Variants in IGLL1 observed in about 807,000 individuals in gnomAD.
IGLL1 encodes immunoglobulin lambda-like polypeptide 1.
Under a neutral mutation model 10.5 loss-of-function variants are expected in IGLL1, and 10 were observed. The observed-to-expected ratio is 0.95, with a 90% CI of 0.59 to 1.62. The LOEUF (loss-of-function observed/expected upper bound fraction) is 1.62. IGLL1 is among the 40% of genes most tolerant of loss of function. The pLI is 0.00. For synonymous variants in IGLL1, 141 were observed against 122.7 expected, an observed-to-expected ratio of 1.15 and a Z score of -0.99; for missense variants, 284 against 278.7, an observed-to-expected ratio of 1.02 and a Z score of -0.14.
In IGLL1 at chr22:23,575,067, G is replaced by T. The variant is rs111509516; in HGVS notation, c.222C>A (p.Arg74=). 9.9e-6 allele frequency: 16 copies of T among 1,613,446 alleles called. No homozygotes were observed. In the South Asian group the frequency reaches 1.5e-4, roughly 16 times the overall value. ...AGCACCTGGGGCCAGTCCAGGAGCC[G>T]CGCTGGAGCAGGAACCTGCTGGGAG... ...RSRWGRFLLQ[R]GSWTGPRCWP... Residue 74 remains arginine, a synonymous_variant, in exon 2 of 3, where the codon CGC becomes CGA. Coordinates refer to ENST00000330377, the MANE Select transcript of IGLL1 (RefSeq NM_020070.4).
At position 23,575,031 on chromosome 22, in the gene IGLL1, C is replaced by A; in HGVS notation, c.258G>T (p.Gly86=). 1 of 1,609,824 alleles carries A rather than the reference C, an allele frequency of 6.2e-7. No individual in the cohort carries two copies. The highest frequency in any genetic ancestry group is 1.1e-5 in the South Asian group (1 of 91,018). ...TCACTGAGTTATGCTTGGATTGAAA[C>A]CCCCGGGGCCAGCACCTGGGGCCAG... ...SWTGPRCWPR[G]FQSKHNSVTH... is the part of the protein sequence containing the mutation. The change falls in exon 2 of 3, where the codon GGG becomes GGT. Residue 86 remains glycine (G), a synonymous_variant. Transcript: ENST00000330377.
At chr22:23,573,672 G>A in intron 2 of IGLL1, 87 bp from the exon 3 acceptor site, 1 of 1,080,610 alleles carries the variant, frequency 9.3e-7, no homozygotes, top group Non-Finnish European at 1.4e-6. Flanking sequence ...TCTCTGGGAG[G>A]GTTCATGGTG....
chr22:23,574,266 T>C (rs111422112), intron 2 of IGLL1, among the ~76,000 whole-genome samples: 1,567 of 152,164 alleles, frequency 0.01, 18 homozygotes, highest in Non-Finnish European at 0.015. Context: ...CTAGTCACCT[T>C]CTGAGTCTAA....
rs372002908 is a variant in IGLL1 at position 23,576,432 on chromosome 22, T to C, written c.207-1350A>G. On this transcript the variant is annotated intron_variant, in intron 1 of 2. Coordinates refer to ENST00000330377, the MANE Select transcript of IGLL1 (RefSeq NM_020070.4). ...TCTCTCCTGCTATGTACAGTCCCAT[T>C]TCCTTTTATTTTTTTGAAATGGAAT... is the stretch of plus-strand genomic sequence containing the variant. Among the ~76,000 whole-genome samples the C allele has an allele frequency of 6.0e-5, 9 of 150,868 alleles. No individual in the cohort carries two copies. The East Asian group carries it at 1.4e-3, about 23-fold the overall frequency.
intron 1 of IGLL1, among the ~76,000 whole-genome samples, chr22:23,575,596 A>T (rs982538096): frequency 1.3e-5 from 2 of 152,162 alleles, no homozygotes; most frequent in African/African-American, 4.8e-5. Context: ...CCATCTATGC[A>T]TCTGTCCATC....
chr22:23,574,442 C>G (rs1448053444), intron 2 of IGLL1, among the ~76,000 whole-genome samples: 2 of 151,940 alleles, frequency 1.3e-5, no homozygotes, highest in Non-Finnish European at 2.9e-5. Flanking sequence ...ATCCGTTCCT[C>G]TGTGTCCCCA....
At chr22:23,579,641 C>T (rs1302082779) in intron 1 of IGLL1, among the ~76,000 whole-genome samples, 1 of 151,866 alleles carries the variant, frequency 6.6e-6, no homozygotes, top group Non-Finnish European at 1.5e-5. Flanking sequence ...GGGCATCCTT[C>T]AGGGATAGCG....
At chr22:23,575,674 C>T (rs892510330) in intron 1 of IGLL1, among the ~76,000 whole-genome samples, 3 of 152,168 alleles carry the variant, frequency 2.0e-5, no homozygotes, top group Non-Finnish European at 4.4e-5. Context: ...TCCGTCCATC[C>T]ATAAATCCAT....
rs267606189 is a variant in IGLL1 at position 23,573,464 on chromosome 22, G to C, written c.444C>G (p.Thr148=). 1.2e-6 allele frequency: 2 copies of C among 1,613,962 alleles called. No individual in the cohort carries two copies. The highest frequency in any genetic ancestry group is 4.5e-5 in the East Asian group (2 of 44,862). ...TGATGGGGGTACCATCTGCCTTCCA[G>C]GTCACCGTCAAGATTCCCGGATAAA... ...NDFYPGILTV[T]WKADGTPITQ... Residue 148 remains threonine, a synonymous_variant, in exon 3 of 3, where the codon ACC becomes ACG. Transcript: ENST00000330377.
intron 1 of IGLL1, among the ~76,000 whole-genome samples, chr22:23,578,328 G>T (rs1602292478): frequency 6.6e-6 from 1 of 152,114 alleles, no homozygotes; most frequent in East Asian, 1.9e-4. Context: ...CCCCATCCCA[G>T]TCTCTGTTCT....
At chr22:23,574,531 TG>T (rs1451308686) in intron 2 of IGLL1, among the ~76,000 whole-genome samples, 2 of 152,142 alleles carry the variant, frequency 1.3e-5, no homozygotes, top group African/African-American at 2.4e-5. Context: ...TGGTCTCCCC[TG>T]GGGGTGACCC....
At chr22:23,577,486 T>C (rs1267841015) in intron 1 of IGLL1, among the ~76,000 whole-genome samples, 1 of 152,020 alleles carries the variant, frequency 6.6e-6, no homozygotes, top group African/African-American at 2.4e-5. Context: ...AGAAAAGTCA[T>C]TTATTTGATA....
At chr22:23,576,360 CA>C (rs11455488) in intron 1 of IGLL1, among the ~76,000 whole-genome samples, 13,634 of 66,998 alleles carry the variant, frequency 0.2, 744 homozygotes, top group African/African-American at 0.33. Context: ...AAGACTGTCC[CA>C]AAAAAAAAAA....
At chr22:23,574,374 A>G (rs1924951684) in intron 2 of IGLL1, among the ~76,000 whole-genome samples, 2 of 152,286 alleles carry the variant, frequency 1.3e-5, no homozygotes, top group African/African-American at 4.8e-5. Context: ...ACATCTCTGC[A>G]CTAAGAGACC....
At position 23,573,581 on chromosome 22, in the gene IGLL1, C is replaced by T. The variant is rs376293773; in HGVS notation, c.327G>A (p.Gln109=). ...GAGTGACCGAGGGGGTGGCCTTGGG[C>T]TGACCTGTGTGGACAGAGGAGGGGG... ...GSGTQLTVLS[Q]PKATPSVTLF... The change falls in exon 3 of 3, where the codon CAG becomes CAA. Residue 109 remains glutamine (Q), a synonymous_variant. Transcript: ENST00000330377. The T allele has an allele frequency of 1.1e-5, 18 of 1,613,552 alleles. No homozygotes were observed. The East Asian group carries it at 1.6e-4, about 14-fold the overall frequency.
chr22:23,573,359 G>T lies in IGLL1; in HGVS notation c.549C>A (p.Pro183=), dbSNP rs75088277. The change falls in exon 3 of 3, where the codon CCC becomes CCA. Residue 183 remains proline (P), a synonymous_variant. Coordinates refer to ENST00000330377, the MANE Select transcript of IGLL1 (RefSeq NM_020070.4). ...AGCTTCTGCGGGACCTCCACTGCTC[G>T]GGCGTCAGGCTCAGGTAGCTGCTGG... ...YAASSYLSLT[P]EQWRSRRSYS... 2 of 1,614,066 alleles carry T rather than the reference G, an allele frequency of 1.2e-6. No individual in the cohort carries two copies. The highest frequency in any genetic ancestry group is 1.7e-5 in the Admixed American group (1 of 60,020).
At chr22:23,578,004 C>T (rs1380382649) in intron 1 of IGLL1, among the ~76,000 whole-genome samples, 2 of 152,028 alleles carry the variant, frequency 1.3e-5, no homozygotes, top group South Asian at 2.1e-4. Context: ...CCTGCCTCCC[C>T]TCCCGAGTAG....
At chr22:23,579,303 T>G (rs1461283774) in intron 1 of IGLL1, among the ~76,000 whole-genome samples, 1 of 152,138 alleles carries the variant, frequency 6.6e-6, no homozygotes, top group Non-Finnish European at 1.5e-5. Context: ...GCTTGGTGCT[T>G]TGTCTGGGGA....
intron 1 of IGLL1, among the ~76,000 whole-genome samples, chr22:23,578,715 G>A (rs1162134554): frequency 6.6e-6 from 1 of 152,198 alleles, no homozygotes; most frequent in Non-Finnish European, 1.5e-5. Context: ...AGCACTTTGG[G>A]AGGCTGAGGT....
Sources: allele counts gnomAD v4.1 joint callset (sites outside exome capture counted in the v4.1 genomes callset), GRCh38; gene constraint gnomAD v4.1.1; transcripts MANE v1.5; gene names NCBI Gene and HGNC (gene_info 2026-07-23, HGNC 2026-07-21).